Variants in YARS1 observed in about 807,000 individuals in gnomAD.
The protein encoded by YARS1 is tyrosyl-tRNA synthetase 1, also known as tyrosine--tRNA ligase, cytoplasmic.
A neutral mutation model predicts 62.2 loss-of-function variants in YARS1; 36 were observed. The observed-to-expected ratio is 0.58, with a 90% CI of 0.44 to 0.76. YARS1 has a LOEUF of 0.76. Among genes scored for constraint, YARS1 ranks in the 30% least tolerant of loss-of-function variants. The pLI, the probability that YARS1 is intolerant of heterozygous loss-of-function variation, is 0.00. For missense variants in YARS1, 524 were observed against 639.8 expected (o/e 0.82, Z 1.95); for synonymous variants, 234 against 244.9 (o/e 0.96, Z 0.42).
intron 4 of YARS1, among the ~76,000 whole-genome samples, chr1:32,800,025 G>A (rs1415552852): frequency 1.3e-5 from 2 of 152,052 alleles, no homozygotes; most frequent in African/African-American, 4.8e-5. Flanking sequence ...CTGTCACCCA[G>A]GCTGGAGGGC....
At chr1:32,788,755 T>A (rs891334736) in intron 6 of YARS1, among the ~76,000 whole-genome samples, 2 of 152,040 alleles carry the variant, frequency 1.3e-5, no homozygotes, top group African/African-American at 4.8e-5. Context: ...TTTGTTAAAA[T>A]GGGGTCTCAC....
chr1:32,777,482 G>A (rs1652906010), intron 12 of YARS1, among the ~76,000 whole-genome samples: 1 of 152,140 alleles, frequency 6.6e-6, no homozygotes. Flanking sequence ...GTGGTCGCAG[G>A]CACCTGTAAT....
In YARS1 at chr1:32,780,204, G is replaced by A; in HGVS notation, c.1215C>T (p.Gly405=). 1 of 1,614,116 alleles carries A rather than the reference G, an allele frequency of 6.2e-7. No individual in the cohort carries two copies. Among genetic ancestry groups the A allele is most frequent in the Middle Eastern group, 1.6e-4 (1 of 6,062 alleles). Residue 405 remains glycine, a synonymous_variant, in exon 11 of 13, where the codon GGC becomes GGT. Transcript: ENST00000373477. ...GEAEPRTVVS[G]LVQFVPKEEL... ...CCTCCTTGGGCACGAACTGTACCAG[G>A]CCGCTCACCACAGTCCGTGGTTCAG...
chr1:32,798,748 G>A (rs1349214263), intron 4 of YARS1, among the ~76,000 whole-genome samples: 2 of 152,206 alleles, frequency 1.3e-5, no homozygotes, highest in African/African-American at 4.8e-5. Context: ...CCTAAGCCCA[G>A]AGAGGTCGTG....
intron 6 of YARS1, among the ~76,000 whole-genome samples, chr1:32,787,852 C>T (rs1653286019): frequency 6.6e-6 from 1 of 152,170 alleles, no homozygotes; most frequent in Non-Finnish European, 1.5e-5. Flanking sequence ...CACAGTGGCT[C>T]ACACCTGTAG....
chr1:32,808,761 C>A (rs1180364046), intron 3 of YARS1, among the ~76,000 whole-genome samples: 1 of 152,158 alleles, frequency 6.6e-6, no homozygotes, highest in African/African-American at 2.4e-5. Flanking sequence ...CTTCCCTAAC[C>A]AACTCATTCA....
chr1:32,780,664 C>G, intron 10 of YARS1: 1 of 413,572 alleles, frequency 2.4e-6, no homozygotes, highest in South Asian at 2.2e-5. Context: ...GGGTGCATAA[C>G]CTTCTGTCTC....
At chr1:32,812,622 A>G (rs977602735) in intron 1 of YARS1, among the ~76,000 whole-genome samples, 1 of 152,222 alleles carries the variant, frequency 6.6e-6, no homozygotes, top group African/African-American at 2.4e-5. Context: ...GATAACAGAC[A>G]TTCACCATCA....
Position 32,787,613 on chromosome 1 carries a change from CA to C in YARS1, c.685-539del, listed in dbSNP as rs1178764949. 2.0e-5 allele frequency among the ~76,000 whole-genome samples: 3 copies of C among 151,640 alleles called. No homozygotes were observed. The East Asian group carries it at 5.8e-4, about 29-fold the overall frequency. On this transcript the variant is annotated intron_variant, in intron 6 of 12. Transcript: ENST00000373477. The stretch of plus-strand genomic sequence containing the variant: ...GAAGCTCCGCCTCCTGGGTTCACGC[CA>C]TTCTCCCGCCTCAGCCTCCCGAATA...
chr1:32,805,321 T>C (rs1157244190), intron 4 of YARS1, among the ~76,000 whole-genome samples: 3 of 149,848 alleles, frequency 2.0e-5, no homozygotes, highest in Non-Finnish European at 4.4e-5. Flanking sequence ...TTTTATGTTA[T>C]GGAGATGGCT....
chr1:32,777,349 A>G (rs1388222373), intron 12 of YARS1, among the ~76,000 whole-genome samples: 1 of 151,020 alleles, frequency 6.6e-6, no homozygotes, highest in Admixed American at 6.6e-5. Flanking sequence ...ACAGTGGCTC[A>G]TGCCTGTAAT....
chr1:32,797,821 T>G lies in YARS1; in HGVS notation c.533A>C (p.Lys178Thr). ...GLQALDEEYL[K>T]VDAQFGGIDQ... The stretch of plus-strand genomic sequence containing the variant: ...AATGCCTCCAAATTGGGCATCTACT[T>G]TTAAATACTCTTCATCCAAAGCCTG... Residue 178 changes from lysine to threonine, a missense_variant, in exon 5 of 13, where the codon AAA (lysine) becomes ACA (threonine). Transcript: ENST00000373477. 1 of 1,614,116 alleles carries G rather than the reference T, an allele frequency of 6.2e-7. No individual in the cohort carries two copies. Among genetic ancestry groups the G allele is most frequent in the Non-Finnish European group, 8.5e-7 (1 of 1,179,992 alleles).
At chr1:32,804,047 G>A (rs1638377245) in intron 4 of YARS1, among the ~76,000 whole-genome samples, 2 of 152,132 alleles carry the variant, frequency 1.3e-5, no homozygotes, top group Non-Finnish European at 2.9e-5. Flanking sequence ...CAGAGAGCAC[G>A]GGGTTGGGGG....
At chr1:32,786,285 T>G (rs1653223465) in intron 8 of YARS1, 77 bp downstream of exon 8, 1 of 1,432,558 alleles carries the variant, frequency 7.0e-7, no homozygotes, top group Non-Finnish European at 9.7e-7. Flanking sequence ...CAAGTTGTTC[T>G]AAACAAGTTC....
intron 6 of YARS1, among the ~76,000 whole-genome samples, chr1:32,788,609 T>G (rs1490846646): frequency 1.3e-5 from 2 of 152,002 alleles, no homozygotes; most frequent in Non-Finnish European, 2.9e-5. Flanking sequence ...TTTTGTATTT[T>G]TAGTAGAGAC....
chr1:32,786,535 A>G, intron 7 of YARS1, 88 bp from the exon 8 acceptor site: 1 of 1,116,140 alleles, frequency 9.0e-7, no homozygotes, highest in East Asian at 2.5e-5. Flanking sequence ...ATGCATGACT[A>G]TTTGTAGTTT....
At chr1:32,786,598 T>C in intron 7 of YARS1, 151 bp from the exon 8 acceptor site, 1 of 829,116 alleles carries the variant, frequency 1.2e-6, no homozygotes, top group Non-Finnish European at 2.0e-6. Flanking sequence ...ATTGGATGAG[T>C]GGCACTATTG....
chr1:32,785,707 C>T (rs1292272946), intron 8 of YARS1, among the ~76,000 whole-genome samples: 3 of 151,540 alleles, frequency 2.0e-5, no homozygotes, highest in East Asian at 2.0e-4. Context: ...CTCAGCCTCC[C>T]GAGTAGCTGG....
chr1:32,797,895 G>C, intron 4 of YARS1, 52 bp from the exon 5 acceptor site: 1 of 1,527,500 alleles, frequency 6.5e-7, no homozygotes, highest in Non-Finnish European at 9.0e-7. Context: ...TTTTGAGACA[G>C]AGTCTCGCTC....
Sources: gnomAD v4.1 joint callset for allele counts (sites outside exome capture counted in the v4.1 genomes callset) on GRCh38, gnomAD v4.1.1 for gene constraint, MANE v1.5 for transcripts, NCBI Gene and HGNC (gene_info 2026-07-23, HGNC 2026-07-21) for gene names.